TMED10: variants seen among roughly 807,000 people sequenced by gnomAD.
TMED10 encodes transmembrane emp24 domain-containing protein 10.
In TMED10, 7 loss-of-function variants were observed where a neutral mutation model predicts 23.1. That is an observed-to-expected ratio of 0.30 (90% CI 0.17 to 0.57). TMED10 has a LOEUF of 0.57. TMED10 is among the 20% of genes least tolerant of loss of function. The pLI is 0.91. For missense variants in TMED10, 162 were observed against 274.8 expected (o/e 0.59, Z 2.90); for synonymous variants, 113 against 106.9 (o/e 1.06, Z -0.35).
intron 1 of TMED10, among the ~76,000 whole-genome samples, chr14:75,153,123 A>G (rs1049488828): frequency 6.6e-6 from 1 of 151,778 alleles, no homozygotes; most frequent in Non-Finnish European, 1.5e-5. Flanking sequence ...TTCTGTCTCA[A>G]AAAAAAAGTG....
chr14:75,166,034 C>T (rs541397309), intron 1 of TMED10, among the ~76,000 whole-genome samples: 65 of 151,760 alleles, frequency 4.3e-4, no homozygotes, highest in African/African-American at 1.5e-3. Flanking sequence ...AGGAGGGGAA[C>T]GAGAACGAAA....
intron 1 of TMED10, among the ~76,000 whole-genome samples, chr14:75,175,214 C>G (rs1896288617): frequency 6.6e-6 from 1 of 151,948 alleles, no homozygotes; most frequent in South Asian, 2.1e-4. Flanking sequence ...AAAGACCAGG[C>G]CAGGCTACTC....
At position 75,173,754 on chromosome 14, in the gene TMED10, C is replaced by T. The variant is rs113480585; in HGVS notation, c.225+2601G>A. Among the ~76,000 whole-genome samples the T allele has an allele frequency of 6.0e-3, 906 of 152,082 alleles. 8 individuals carry two copies. The highest frequency in any genetic ancestry group is 0.021 in the African/African-American group (872 of 41,476). On this transcript the variant is annotated intron_variant, in intron 1 of 4. Coordinates refer to ENST00000303575, the MANE Select transcript of TMED10 (RefSeq NM_006827.6). ...GCTTTGTTTTGTTTTGTTTTGAGACCGAGTCTTGTTCTGTTGCCCAGGCTG... is the reference window on the plus strand; with the variant it reads ...GCTTTGTTTTGTTTTGTTTTGAGACTGAGTCTTGTTCTGTTGCCCAGGCTG...
Position 75,162,312 on chromosome 14 carries a change from C to T in TMED10, c.226-10169G>A, listed in dbSNP as rs143020765. 1.4e-4 allele frequency among the ~76,000 whole-genome samples: 21 copies of T among 152,096 alleles called. No individual in the cohort carries two copies. In the East Asian group the frequency reaches 1.9e-3, roughly 14 times the overall value. On this transcript the variant is annotated intron_variant, in intron 1 of 4. Coordinates refer to ENST00000303575, the MANE Select transcript of TMED10 (RefSeq NM_006827.6). ...TGAAAATCCAAAAAATACAAGAATG[C>T]GGGTATGTCAAAGGGACACAGGAAC...
chr14:75,176,331 G>A (rs1406562904), intron 1 of TMED10, 24 bp downstream of exon 1: 1 of 1,612,816 alleles, frequency 6.2e-7, no homozygotes, highest in East Asian at 2.2e-5. Context: ...TTCCCTCCCG[G>A]CCCCACGTCG....
intron 1 of TMED10, among the ~76,000 whole-genome samples, chr14:75,172,149 T>C (rs552246268): frequency 3.9e-5 from 6 of 152,222 alleles, no homozygotes; most frequent in Non-Finnish European, 8.8e-5. Flanking sequence ...TTAAGAGCAA[T>C]TGACTCCAAC....
chr14:75,147,339 G>A (rs1895899036), intron 3 of TMED10, among the ~76,000 whole-genome samples: 1 of 151,870 alleles, frequency 6.6e-6, no homozygotes, highest in South Asian at 2.1e-4. Flanking sequence ...GATTACAGGC[G>A]CACGCCACCA....
chr14:75,164,078 T>A (rs1896118696), intron 1 of TMED10, among the ~76,000 whole-genome samples: 1 of 152,200 alleles, frequency 6.6e-6, no homozygotes, highest in African/African-American at 2.4e-5. Context: ...TCTTCCTTTT[T>A]TTTTTGAGAC....
At chr14:75,149,475 C>T (rs376423870) in intron 2 of TMED10, among the ~76,000 whole-genome samples, 8 of 69,172 alleles carry the variant, frequency 1.2e-4, no homozygotes, top group Non-Finnish European at 1.6e-4. Flanking sequence ...ACTGTTTATA[C>T]CCACTCTGCG....
At chr14:75,140,668 G>A (rs879820905) in intron 3 of TMED10, among the ~76,000 whole-genome samples, 3 of 152,138 alleles carry the variant, frequency 2.0e-5, no homozygotes, top group Non-Finnish European at 4.4e-5. Context: ...AGATGGCACC[G>A]CTGCACTCCA....
intron 1 of TMED10, among the ~76,000 whole-genome samples, chr14:75,152,782 C>T (rs1006676276): frequency 2.0e-5 from 3 of 152,106 alleles, no homozygotes; most frequent in Non-Finnish European, 4.4e-5. Context: ...GCCTGTAATC[C>T]CAAACTTTGG....
At chr14:75,170,051 T>C (rs1896212667) in intron 1 of TMED10, among the ~76,000 whole-genome samples, 1 of 142,818 alleles carries the variant, frequency 7.0e-6, no homozygotes, top group African/African-American at 2.9e-5. Flanking sequence ...CACGGTGAAA[T>C]ACAAAAAATA....
intron 1 of TMED10, among the ~76,000 whole-genome samples, chr14:75,159,763 A>T (rs1896064763): frequency 6.6e-6 from 1 of 152,114 alleles, no homozygotes; most frequent in Non-Finnish European, 1.5e-5. Flanking sequence ...TCCAGCTGGT[A>T]CTCCAAAGGG....
In TMED10 at chr14:75,134,359, T is replaced by C. The variant is rs1895722899; in HGVS notation, c.*526A>G. On this transcript the variant is annotated 3_prime_UTR_variant, in exon 5 of 5. Coordinates refer to ENST00000303575, the MANE Select transcript of TMED10 (RefSeq NM_006827.6). Reference sequence around the variant, plus strand: ...TCACATCCATCACCATTTTAAGAGATATAAAATCATGAAAAGATATCACCA... The same window carrying C: ...TCACATCCATCACCATTTTAAGAGACATAAAATCATGAAAAGATATCACCA... The C allele has an allele frequency of 6.5e-6, 1 of 154,598 alleles. No individual in the cohort carries two copies. The highest frequency in any genetic ancestry group is 2.4e-5 in the African/African-American group (1 of 41,458). The allele number at this position is 154,598 out of a possible 1,614,324, so 9.6% of individuals were successfully genotyped here.
intron 2 of TMED10, among the ~76,000 whole-genome samples, chr14:75,149,997 G>A (rs560459772): frequency 1.2e-4 from 19 of 152,230 alleles, no homozygotes; most frequent in African/African-American, 3.6e-4. Context: ...CAGCTACTCC[G>A]GAGGCTGAGG....
Position 75,176,235 on chromosome 14 carries a change from C to A in TMED10, c.225+120G>T. On this transcript the variant is annotated intron_variant, in intron 1 of 4. Coordinates refer to ENST00000303575, the MANE Select transcript of TMED10 (RefSeq NM_006827.6). ...GGCGGGCTCCACCGCACGTCCTTTG[C>A]GCTCCCGGGAGGCCAGAACAACTCC... The A allele has an allele frequency of 4.7e-6, 6 of 1,273,256 alleles. 1 individual carries two copies. The South Asian group carries it at 6.9e-5, about 15-fold the overall frequency. The allele number at this position is 1,273,256 out of a possible 1,614,324, so 78.9% of individuals were successfully genotyped here. A position where few individuals can be genotyped will look rare whatever the true frequency, so the allele number is the denominator to read the frequency against.
chr14:75,172,605 G>A (rs1896248484), intron 1 of TMED10, among the ~76,000 whole-genome samples: 2 of 152,256 alleles, frequency 1.3e-5, no homozygotes, highest in South Asian at 4.1e-4. Context: ...ACCGCGCCTG[G>A]CCATCATTGT....
At chr14:75,173,079 T>C (rs1177324468) in intron 1 of TMED10, among the ~76,000 whole-genome samples, 5 of 152,198 alleles carry the variant, frequency 3.3e-5, no homozygotes, top group Non-Finnish European at 7.3e-5. Flanking sequence ...CTGGTGTTCC[T>C]ATTTCATTTG....
At chr14:75,158,988 G>T (rs547210674) in intron 1 of TMED10, among the ~76,000 whole-genome samples, 1 of 152,080 alleles carries the variant, frequency 6.6e-6, no homozygotes, top group Non-Finnish European at 1.5e-5. Context: ...AGTCAAAAAG[G>T]TCTGAGAACT....
Sources: gnomAD v4.1 joint callset for allele counts (sites outside exome capture counted in the v4.1 genomes callset) on GRCh38, gnomAD v4.1.1 for gene constraint, MANE v1.5 for transcripts, NCBI Gene and HGNC (gene_info 2026-07-23, HGNC 2026-07-21) for gene names.